The following USP34 variants were observed in gnomAD, a reference collection of about 807,000 sequenced individuals.
USP34 encodes the protein ubiquitin carboxyl-terminal hydrolase 34.
In USP34, 70 loss-of-function variants were observed where a neutral mutation model predicts 460.3. That is an observed-to-expected ratio of 0.15 (90% CI 0.13 to 0.19). The LOEUF (loss-of-function observed/expected upper bound fraction) is 0.19, where lower values mean the gene tolerates loss of function less well. Among genes scored for constraint, USP34 ranks in the 10% least tolerant of loss-of-function variants. USP34 has a pLI of 1.00. For synonymous variants in USP34, 1,647 were observed against 1,405.3 expected (o/e 1.17, Z -3.85); for missense variants, 3,985 against 4,236.2 (o/e 0.94, Z 1.65).
intron 75 of USP34, among the ~76,000 whole-genome samples, chr2:61,202,727 G>A (rs1413562133): frequency 6.6e-6 from 1 of 152,042 alleles, no homozygotes. Flanking sequence ...CACTGCTCTT[G>A]CCATTGCCAG....
chr2:61,465,527 T>G (rs1380010366), intron 1 of USP34, among the ~76,000 whole-genome samples: 3 of 152,196 alleles, frequency 2.0e-5, no homozygotes, highest in Non-Finnish European at 2.9e-5. Context: ...TACCCACACT[T>G]GTGTCTACCC....
intron 27 of USP34, among the ~76,000 whole-genome samples, chr2:61,302,980 T>C (rs1426694832): frequency 6.6e-6 from 1 of 152,236 alleles, no homozygotes; most frequent in African/African-American, 2.4e-5. Flanking sequence ...TACAATATTC[T>C]GTACAGAGAC....
intron 27 of USP34, among the ~76,000 whole-genome samples, chr2:61,310,580 A>T (rs1223768658): frequency 6.6e-6 from 1 of 150,886 alleles, no homozygotes; most frequent in African/African-American, 2.4e-5. Flanking sequence ...TTCTTACATT[A>T]TATCTTGGTA....
At chr2:61,237,165 G>T (rs1688092661) in intron 53 of USP34, among the ~76,000 whole-genome samples, 1 of 152,156 alleles carries the variant, frequency 6.6e-6, no homozygotes, top group Non-Finnish European at 1.5e-5. Context: ...TCAGTGAATA[G>T]CCGGCTTCAG....
At chr2:61,381,940 A>T (rs1692987362) in intron 6 of USP34, among the ~76,000 whole-genome samples, 1 of 152,130 alleles carries the variant, frequency 6.6e-6, no homozygotes, top group Non-Finnish European at 1.5e-5. Context: ...GTACAAATAA[A>T]AAAAATTGAG....
At chr2:61,334,206 C>G (rs1691351897) in intron 18 of USP34, among the ~76,000 whole-genome samples, 1 of 152,104 alleles carries the variant, frequency 6.6e-6, no homozygotes, top group Admixed American at 6.5e-5. Context: ...CTATAAATAT[C>G]TGGGTAAAAA....
At chr2:61,400,506 G>C (rs1181476405) in intron 3 of USP34, among the ~76,000 whole-genome samples, 2 of 152,112 alleles carry the variant, frequency 1.3e-5, no homozygotes, top group South Asian at 2.1e-4. Flanking sequence ...AAGTAACTCA[G>C]TGATGTTGGA....
At position 61,417,149 on chromosome 2, in the gene USP34, C is replaced by A. The variant is rs761931006; in HGVS notation, c.131+3597G>T. ...ACTTGGCCAATGTGAACCCTGGCCA[C>A]AGTGCCCTGGGGCTTTCCAAAGGCA... On this transcript the variant is annotated intron_variant, in intron 2 of 79. Transcript: ENST00000398571. 279 of 1,576,708 alleles carry A rather than the reference C, an allele frequency of 1.8e-4. 3 individuals are homozygous for A. In the East Asian group the frequency reaches 6.1e-3, roughly 35 times the overall value.
At chr2:61,409,560 A>G (rs561125710) in intron 2 of USP34, among the ~76,000 whole-genome samples, 1 of 152,214 alleles carries the variant, frequency 6.6e-6, no homozygotes, top group East Asian at 1.9e-4. Context: ...CTAAAAATAC[A>G]AAAATTAGCC....
Position 61,248,701 on chromosome 2 carries a change from AATTAATAAAG to A in USP34, c.6222-28_6222-19del. On this transcript the variant is annotated intron_variant, in intron 48 of 79. Coordinates refer to ENST00000398571, the MANE Select transcript of USP34 (RefSeq NM_014709.4). Reference sequence around the variant, plus strand: ...AACATGCCCTGAGAGACAAGAAAAAAATTAATAAAGATTATTTTTTACAAATACTTCAGTT... The same window carrying A: ...AACATGCCCTGAGAGACAAGAAAAAAATTATTTTTTACAAATACTTCAGTT... The A allele has an allele frequency of 6.5e-7, 1 of 1,534,068 alleles. No homozygotes were observed. Among genetic ancestry groups the A allele is most frequent in the Non-Finnish European group, 8.8e-7 (1 of 1,137,434 alleles).
chr2:61,464,937 C>T (rs1452933665), intron 1 of USP34, among the ~76,000 whole-genome samples: 2 of 151,932 alleles, frequency 1.3e-5, no homozygotes, highest in Non-Finnish European at 2.9e-5. Flanking sequence ...AGTTATCAGA[C>T]AAACTCAACA....
intron 29 of USP34, among the ~76,000 whole-genome samples, chr2:61,299,912 A>G (rs1324124319): frequency 2.6e-5 from 4 of 152,126 alleles, no homozygotes; most frequent in Non-Finnish European, 5.9e-5. Flanking sequence ...TCTATCCTTC[A>G]GCTCAAATGG....
In USP34 at chr2:61,278,201, T is replaced by G. The variant is rs1203392998; in HGVS notation, c.5397A>C (p.Lys1799Asn). 2 of 1,613,552 alleles carry G rather than the reference T, an allele frequency of 1.2e-6. No homozygotes were observed. Among genetic ancestry groups the G allele is most frequent in the South Asian group, 2.2e-5 (2 of 90,980 alleles). The change falls in exon 41 of 80, where the codon AAA (lysine) becomes AAC (asparagine). Residue 1799 changes from lysine to asparagine, a missense_variant. Lys to Asn is a moderately conservative substitution (Grantham distance 94). Coordinates refer to ENST00000398571, the MANE Select transcript of USP34 (RefSeq NM_014709.4). ...GLLRLATSVV[K>N]HKPPFKFSRE... ...TTGAAAATTTAAAGGGTGGTTTGTG[T>G]TTAACAACACTTGTTGCAAGCCTTA...
At chr2:61,308,036 G>A (rs1203669635) in intron 27 of USP34, among the ~76,000 whole-genome samples, 2 of 151,992 alleles carry the variant, frequency 1.3e-5, no homozygotes, top group Non-Finnish European at 2.9e-5. Context: ...GTGACAGAGT[G>A]AGACCCTGTC....
rs756317613 is a variant in USP34, at chr2:61,300,942, CAT to C, written c.4128+7_4128+8del. 1.5e-5 allele frequency: 24 copies of C among 1,580,244 alleles called. No individual in the cohort carries two copies. In the East Asian group the frequency reaches 4.0e-4, roughly 27 times the overall value. On this transcript the variant is annotated splice_region_variant and intron_variant, in intron 29 of 79. Transcript: ENST00000398571. ...CAAAACAAGATTTGTGAAAATGAAA[CAT>C]AGTCACCTCACTATCATCCACTGCC...
In USP34 at chr2:61,256,446, A is replaced by G; in HGVS notation, c.6159T>C (p.Thr2053=). 1 of 1,610,916 alleles carries G rather than the reference A, an allele frequency of 6.2e-7. No individual in the cohort carries two copies. ...AAGTATACATGTTATCACCTTCCAA[A>G]GTGTCTTTTATAGTAACTTCATCAA... ...ESLDEVTIKD[T]LEGDNMYTCS... is the part of the protein sequence containing the mutation. The change falls in exon 48 of 80, where the codon ACT becomes ACC. Residue 2053 remains threonine (T), a synonymous_variant. Transcript: ENST00000398571.
At chr2:61,455,132 T>C (rs531026418) in intron 1 of USP34, among the ~76,000 whole-genome samples, 16 of 152,102 alleles carry the variant, frequency 1.1e-4, no homozygotes, top group African/African-American at 3.9e-4. Flanking sequence ...TATGCCTACC[T>C]TGGCCTCCCA....
At chr2:61,405,555 G>A (rs1693846756) in intron 3 of USP34, among the ~76,000 whole-genome samples, 153 bp downstream of exon 3, 1 of 152,174 alleles carries the variant, frequency 6.6e-6, no homozygotes, top group Admixed American at 6.6e-5. Context: ...AGCACAAACT[G>A]CTGAAGAAAT....
intron 57 of USP34, among the ~76,000 whole-genome samples, chr2:61,233,113 G>C (rs1393534192): frequency 6.6e-6 from 1 of 151,982 alleles, no homozygotes; most frequent in African/African-American, 2.4e-5. Flanking sequence ...GGCCGCCTCA[G>C]CCTCCTAAAG....
Sources: allele counts gnomAD v4.1 joint callset (sites outside exome capture counted in the v4.1 genomes callset), GRCh38; gene constraint gnomAD v4.1.1; transcripts MANE v1.5; gene names NCBI Gene and HGNC (gene_info 2026-07-23, HGNC 2026-07-21).